Variants in NR3C2 observed in about 807,000 individuals in gnomAD.
The protein encoded by NR3C2 is mineralocorticoid receptor.
Under a neutral mutation model 86.4 loss-of-function variants are expected in NR3C2, and 15 were observed. The observed-to-expected ratio is 0.17, with a 90% CI of 0.12 to 0.27. NR3C2 has a LOEUF of 0.27. NR3C2 is among the 10% of genes least tolerant of loss of function. The pLI, the probability that NR3C2 is intolerant of heterozygous loss-of-function variation, is 1.00. For synonymous variants in NR3C2, 458 were observed against 450.5 expected (o/e 1.02, Z -0.21); for missense variants, 960 against 1,195.6 (o/e 0.80, Z 2.91).
At chr4:148,170,731 A>G (rs927660243) in intron 4 of NR3C2, among the ~76,000 whole-genome samples, 17 of 152,234 alleles carry the variant, frequency 1.1e-4, no homozygotes, top group African/African-American at 4.1e-4. Context: ...TATGTTTTAA[A>G]TATGTTTATT....
intron 5 of NR3C2, among the ~76,000 whole-genome samples, chr4:148,153,636 TTTAGA>T (rs1001286723): frequency 1.3e-5 from 2 of 152,226 alleles, no homozygotes; most frequent in African/African-American, 2.4e-5. Flanking sequence ...AAGAAACTGC[TTTAGA>T]TTAATGAACT....
At chr4:148,136,056 C>CAAAAAAAAAAAAAAAAAAAAAA (rs199716496) in intron 6 of NR3C2, among the ~76,000 whole-genome samples, 12 of 71,200 alleles carry the variant, frequency 1.7e-4, no homozygotes, top group African/African-American at 2.7e-4. Flanking sequence ...GACTCCGTCT[C>CAAAAAAAAAAAAAAAAAAAAAA]AAAAAAAAAA....
At chr4:148,317,473 C>T (rs1042076838) in intron 2 of NR3C2, among the ~76,000 whole-genome samples, 3 of 151,890 alleles carry the variant, frequency 2.0e-5, no homozygotes, top group African/African-American at 7.3e-5. Context: ...AATATCCCAA[C>T]TAAATATAAC....
chr4:148,322,070 C>A (rs1323432854), intron 2 of NR3C2, among the ~76,000 whole-genome samples: 1 of 151,970 alleles, frequency 6.6e-6, no homozygotes, highest in South Asian at 2.1e-4. Flanking sequence ...TTAAGGCAGG[C>A]CTGGTGGTGA....
chr4:148,393,392 A>G (rs569375529), intron 2 of NR3C2, among the ~76,000 whole-genome samples: 1 of 152,306 alleles, frequency 6.6e-6, no homozygotes, highest in Admixed American at 6.5e-5. Context: ...AGAACTCCAG[A>G]GGTCTTGGGT....
chr4:148,254,230 G>A (rs1232792147), intron 3 of NR3C2, among the ~76,000 whole-genome samples: 1 of 152,188 alleles, frequency 6.6e-6, no homozygotes, highest in Non-Finnish European at 1.5e-5. Flanking sequence ...TCTGCTGCAT[G>A]AAAACATTCA....
At chr4:148,326,234 CA>C (rs11381917) in intron 2 of NR3C2, among the ~76,000 whole-genome samples, 23,928 of 133,642 alleles carry the variant, frequency 0.18, 2,492 homozygotes, top group African/African-American at 0.31. Flanking sequence ...ACTAAAAATA[CA>C]AAAAAAAAAA....
intron 4 of NR3C2, among the ~76,000 whole-genome samples, chr4:148,174,772 C>T (rs1487154854): frequency 6.6e-6 from 1 of 152,156 alleles, no homozygotes; most frequent in Non-Finnish European, 1.5e-5. Context: ...TCCTTCTCCT[C>T]CTCGGTTTTC....
intron 2 of NR3C2, among the ~76,000 whole-genome samples, chr4:148,272,851 G>A (rs72655262): frequency 6.6e-6 from 1 of 152,148 alleles, no homozygotes; most frequent in Non-Finnish European, 1.5e-5. Flanking sequence ...TCAGAAGTAA[G>A]TAGTTCCACT....
chr4:148,179,442 C>T (rs1294101875), intron 4 of NR3C2, among the ~76,000 whole-genome samples: 4 of 151,634 alleles, frequency 2.6e-5, no homozygotes, highest in Non-Finnish European at 5.9e-5. Flanking sequence ...TCTGTATACC[C>T]AATTTTTCCA....
intron 4 of NR3C2, among the ~76,000 whole-genome samples, chr4:148,171,720 C>G (rs1165625120): frequency 1.3e-5 from 2 of 152,196 alleles, no homozygotes; most frequent in African/African-American, 4.8e-5. Flanking sequence ...CCTTATAGGT[C>G]CTGCCTGATA....
chr4:148,281,456 CAA>C (rs1267562153), intron 2 of NR3C2, among the ~76,000 whole-genome samples: 1 of 152,210 alleles, frequency 6.6e-6, no homozygotes, highest in Non-Finnish European at 1.5e-5. Flanking sequence ...TCCATAATTT[CAA>C]TCACTACCAA....
chr4:148,197,866 A>T (rs1295055209), intron 3 of NR3C2, among the ~76,000 whole-genome samples: 1 of 152,174 alleles, frequency 6.6e-6, no homozygotes. Context: ...TCCTTAATTC[A>T]TATTAAACCA....
At chr4:148,338,497 A>G (rs1006758415) in intron 2 of NR3C2, among the ~76,000 whole-genome samples, 17 of 152,200 alleles carry the variant, frequency 1.1e-4, no homozygotes, top group African/African-American at 3.6e-4. Context: ...AAGTTTTCCA[A>G]TGATTTATCT....
chr4:148,175,466 G>A (rs1735331971), intron 4 of NR3C2, among the ~76,000 whole-genome samples: 2 of 152,150 alleles, frequency 1.3e-5, no homozygotes, highest in South Asian at 2.1e-4. Context: ...CAGCCTAGAC[G>A]TCCCATCATT....
intron 2 of NR3C2, among the ~76,000 whole-genome samples, chr4:148,351,473 C>T (rs571232448): frequency 2.0e-5 from 3 of 152,188 alleles, no homozygotes; most frequent in South Asian, 2.1e-4. Context: ...GTAACATTTG[C>T]CTCTTTCTTC....
At chr4:148,321,573 G>C (rs980988660) in intron 2 of NR3C2, among the ~76,000 whole-genome samples, 6 of 152,086 alleles carry the variant, frequency 3.9e-5, no homozygotes, top group African/African-American at 1.4e-4. Context: ...TGTATTGGGT[G>C]CATATATATT....
chr4:148,234,456 G>A (rs1292295052), intron 3 of NR3C2, among the ~76,000 whole-genome samples: 1 of 152,046 alleles, frequency 6.6e-6, no homozygotes, highest in Non-Finnish European at 1.5e-5. Context: ...CAGATCACGA[G>A]GTCAGGAGAT....
intron 3 of NR3C2, among the ~76,000 whole-genome samples, chr4:148,217,979 A>T (rs1737630223): frequency 6.6e-6 from 1 of 152,214 alleles, no homozygotes; most frequent in African/African-American, 2.4e-5. Flanking sequence ...TACTGTAACT[A>T]CATGTCTATA....
Sources: gnomAD v4.1 joint callset for allele counts (sites outside exome capture counted in the v4.1 genomes callset) on GRCh38, gnomAD v4.1.1 for gene constraint, MANE v1.5 for transcripts, NCBI Gene and HGNC (gene_info 2026-07-23, HGNC 2026-07-21) for gene names.